NCKAP5: variants seen among roughly 807,000 people sequenced by gnomAD.
The protein encoded by NCKAP5 is NCK associated protein 5.
Under a neutral mutation model 167.0 loss-of-function variants are expected in NCKAP5, and 92 were observed. That is an observed-to-expected ratio of 0.55 (90% CI 0.47 to 0.66). The LOEUF is 0.66. Among genes scored for constraint, NCKAP5 ranks in the 30% least tolerant of loss-of-function variants. NCKAP5 has a pLI of 0.00. For missense variants in NCKAP5, 2,378 were observed against 2,315.0 expected (o/e 1.03, Z -0.56); for synonymous variants, 891 against 877.4 (o/e 1.02, Z -0.27).
chr2:132,899,770 G>A (rs555595304), intron 8 of NCKAP5, among the ~76,000 whole-genome samples: 1 of 152,108 alleles, frequency 6.6e-6, no homozygotes, highest in Non-Finnish European at 1.5e-5. Flanking sequence ...AGCTACTCGG[G>A]AGCCTGAGGC....
chr2:133,516,587 G>A (rs1400560621), intron 3 of NCKAP5, among the ~76,000 whole-genome samples: 1 of 152,200 alleles, frequency 6.6e-6, no homozygotes, highest in East Asian at 1.9e-4. Flanking sequence ...CCGTGACAGA[G>A]CAAGACCTAC....
intron 11 of NCKAP5, among the ~76,000 whole-genome samples, chr2:132,819,909 G>A (rs1366232257): frequency 6.6e-6 from 1 of 152,166 alleles, no homozygotes; most frequent in Non-Finnish European, 1.5e-5. Context: ...AAGCAAAAGC[G>A]TTTTGCATCT....
the NCKAP5 span, among the ~76,000 whole-genome samples, chr2:133,622,948 T>G: frequency 1.3e-5 from 2 of 151,496 alleles, no homozygotes; most frequent in South Asian, 4.2e-4. Context: ...TGTATAAAAA[T>G]AGGCACATAG....
chr2:133,469,435 C>T (rs948867364), intron 3 of NCKAP5, among the ~76,000 whole-genome samples: 136 of 152,156 alleles, frequency 8.9e-4, no homozygotes, highest in African/African-American at 3.0e-3. Flanking sequence ...TCTCTGGCTG[C>T]CCTTAACATT....
intron 4 of NCKAP5, among the ~76,000 whole-genome samples, chr2:133,222,071 C>A (rs2086683263): frequency 6.6e-6 from 1 of 152,094 alleles, no homozygotes; most frequent in Non-Finnish European, 1.5e-5. Context: ...ATACTTAAAC[C>A]TCAGAGAATC....
At chr2:133,486,295 AAAG>A (rs1680898566) in intron 3 of NCKAP5, among the ~76,000 whole-genome samples, 1 of 152,194 alleles carries the variant, frequency 6.6e-6, no homozygotes, top group East Asian at 1.9e-4. Flanking sequence ...ATTTGTTTTT[AAAG>A]AAGAAAGGTC....
intron 16 of NCKAP5, among the ~76,000 whole-genome samples, chr2:132,765,406 C>A (rs564755182): frequency 6.6e-6 from 1 of 150,902 alleles, no homozygotes; most frequent in Non-Finnish European, 1.5e-5. Context: ...TCTCTGCCTC[C>A]GGGGTTGAAG....
chr2:132,850,103 C>A (rs1328257812), intron 11 of NCKAP5, among the ~76,000 whole-genome samples: 1 of 152,012 alleles, frequency 6.6e-6, no homozygotes, highest in Non-Finnish European at 1.5e-5. Context: ...TTCTATTATT[C>A]CTTGGCATAA....
chr2:133,298,100 C>T (rs1035994985), intron 4 of NCKAP5, among the ~76,000 whole-genome samples: 1 of 152,184 alleles, frequency 6.6e-6, no homozygotes, highest in Non-Finnish European at 1.5e-5. Flanking sequence ...TCTCTAAAAA[C>T]AATTTGGCTA....
rs6709429 is a variant in NCKAP5 at position 132,979,972 on chromosome 2, T to C, written c.429+14180A>G. On this transcript the variant is annotated intron_variant, in intron 7 of 19. Transcript: ENST00000409261. The stretch of plus-strand genomic sequence containing the variant: ...CCAAGCCTTGCAGTACAATGATTTT[T>C]TTTTTCTTTTTCTTTTTCTTTTTCT... 4.3e-3 allele frequency among the ~76,000 whole-genome samples: 645 copies of C among 151,476 alleles called. 3 individuals carry two copies. The highest frequency in any genetic ancestry group is 0.014 in the African/African-American group (578 of 41,132).
Position 132,782,695 on chromosome 2 carries a change from G to A in NCKAP5, c.4116C>T (p.Ile1372=), listed in dbSNP as rs759881752. Residue 1372 remains isoleucine (I), a synonymous_variant, in exon 14 of 20, where the codon ATC becomes ATT. Transcript: ENST00000409261. ...TGAGGAGTCCCTCAGACTTTGGAGG[G>A]ATCCTCAAAGGCAACTTACTTGGGC... ...HGSPSKLPLR[I]PPKSEGLLIP... is the part of the protein sequence containing the mutation. 8 of 1,613,804 alleles carry A rather than the reference G, an allele frequency of 5.0e-6. No homozygotes were observed. In the African/African-American group the frequency reaches 6.7e-5, roughly 13 times the overall value.
intron 5 of NCKAP5, among the ~76,000 whole-genome samples, chr2:133,166,542 T>A (rs1163105316): frequency 6.6e-6 from 1 of 152,224 alleles, no homozygotes; most frequent in African/African-American, 2.4e-5. Flanking sequence ...CTTTTCCCTA[T>A]GTCTTTTGCA....
chr2:132,901,531 A>G (rs960726535), intron 8 of NCKAP5, among the ~76,000 whole-genome samples: 1 of 152,222 alleles, frequency 6.6e-6, no homozygotes, highest in African/African-American at 2.4e-5. Context: ...GCAAAATAAT[A>G]CCCACAATGC....
rs1411056714 is a variant in NCKAP5, at chr2:133,438,356, G to A, written c.69+79102C>T. On this transcript the variant is annotated intron_variant, in intron 3 of 19. Coordinates refer to ENST00000409261, the MANE Select transcript of NCKAP5 (RefSeq NM_207363.3). ...GGTTTCTGTTTGAACAGTGCTTTGA[G>A]GCAGAACTCATTGAAACAACATGGA... is the stretch of plus-strand genomic sequence containing the variant. Among the ~76,000 whole-genome samples, 6 of 152,228 alleles carry A rather than the reference G, an allele frequency of 3.9e-5. No individual in the cohort carries two copies. The Middle Eastern group carries it at 0.01, about 261-fold the overall frequency.
rs990393511 is a variant in NCKAP5, at chr2:132,963,900, A to G, written c.430-31T>C. The stretch of plus-strand genomic sequence containing the variant: ...GCAAGAAAGAATTACTGTTTTCAAT[A>G]ATCTCCAGTGAAAAATAAGCATGAG... On this transcript the variant is annotated intron_variant, in intron 7 of 19. Coordinates refer to ENST00000409261, the MANE Select transcript of NCKAP5 (RefSeq NM_207363.3). 3.7e-6 allele frequency: 6 copies of G among 1,610,462 alleles called. No individual in the cohort carries two copies. In the Admixed American group the frequency reaches 5.0e-5, roughly 13 times the overall value.
At chr2:133,133,549 G>A (rs964407395) in intron 5 of NCKAP5, among the ~76,000 whole-genome samples, 1 of 152,158 alleles carries the variant, frequency 6.6e-6, no homozygotes, top group Non-Finnish European at 1.5e-5. Context: ...CCAGTCACAG[G>A]CTCTTCTTTC....
the NCKAP5 span, among the ~76,000 whole-genome samples, chr2:133,587,007 C>T: frequency 1.3e-5 from 2 of 152,270 alleles, no homozygotes; most frequent in East Asian, 3.9e-4. Context: ...ACTAAGTATA[C>T]TCCTAGCAAA....
intron 3 of NCKAP5, among the ~76,000 whole-genome samples, chr2:133,413,711 A>G (rs1688922885): frequency 6.6e-6 from 1 of 152,188 alleles, no homozygotes. Flanking sequence ...CGGCAACACC[A>G]GGCCCACCCT....
intron 8 of NCKAP5, among the ~76,000 whole-genome samples, chr2:132,949,028 AGAAAAG>A (rs1201280018): frequency 4.0e-5 from 6 of 150,380 alleles, no homozygotes; most frequent in African/African-American, 9.9e-5. Context: ...AGAAAAGAAA[AGAAAAG>A]AAAAGAAAAG....
Sources: allele counts gnomAD v4.1 joint callset (sites outside exome capture counted in the v4.1 genomes callset), GRCh38; gene constraint gnomAD v4.1.1; transcripts MANE v1.5; gene names NCBI Gene and HGNC (gene_info 2026-07-23, HGNC 2026-07-21).